CCDC191: variants seen among roughly 807,000 people sequenced by gnomAD.
The protein encoded by CCDC191 is coiled-coil domain containing 191, also known as coiled-coil domain-containing protein 191.
CCDC191 carries 99 observed loss-of-function variants against 114.0 expected under a neutral mutation model. That is an observed-to-expected ratio of 0.87 (90% CI 0.74 to 1.03). The LOEUF (loss-of-function observed/expected upper bound fraction) is 1.03, where lower values mean the gene tolerates loss of function less well. CCDC191 is among the 50% of genes least tolerant of loss of function. The pLI is 0.00. For synonymous variants in CCDC191, 351 were observed against 376.0 expected, an observed-to-expected ratio of 0.93 and a Z score of 0.77; for missense variants, 973 against 1,087.0, an observed-to-expected ratio of 0.90 and a Z score of 1.47.
intron 11 of CCDC191, chr3:114,002,900 T>A: frequency 1.0e-6 from 1 of 982,594 alleles, no homozygotes; most frequent in South Asian, 4.7e-5. Context: ...GCAGAAAACT[T>A]TAATTACATC....
In CCDC191 at chr3:113,980,643, A is replaced by T; in HGVS notation, c.2307+7T>A. The T allele has an allele frequency of 1.3e-6, 2 of 1,577,486 alleles. No individual in the cohort carries two copies. The highest frequency in any genetic ancestry group is 1.7e-6 in the Non-Finnish European group (2 of 1,169,458). On this transcript the variant is annotated splice_region_variant and intron_variant, in intron 14 of 16. Transcript: ENST00000295878. ...CTAATCTGGGGGATAACAGTGGGAC[A>T]GTGTACCTGGATGTTTTGTTTGCTT...
chr3:114,004,581 T>C lies in CCDC191; in HGVS notation c.1978+56A>G, dbSNP rs1035231646. On this transcript the variant is annotated intron_variant, in intron 11 of 16. Transcript: ENST00000295878. Reference sequence around the variant, plus strand: ...CCAGAATTCAGTCCCAGTGTACACATTCTACTCTAGGAGAGAAGATAACAA... The same window carrying C: ...CCAGAATTCAGTCCCAGTGTACACACTCTACTCTAGGAGAGAAGATAACAA... 2.5e-6 allele frequency: 4 copies of C among 1,583,892 alleles called. No individual in the cohort carries two copies. In the African/African-American group the frequency reaches 5.5e-5, roughly 22 times the overall value.
At chr3:113,982,743 A>G (rs1303516897) in intron 13 of CCDC191, among the ~76,000 whole-genome samples, 3 of 149,974 alleles carry the variant, frequency 2.0e-5, no homozygotes, top group Non-Finnish European at 3.0e-5. Flanking sequence ...CTGCTTACCC[A>G]CTCCTGTGAT....
chr3:114,023,278 G>A (rs2076270265), intron 7 of CCDC191, among the ~76,000 whole-genome samples: 1 of 152,164 alleles, frequency 6.6e-6, no homozygotes, highest in Non-Finnish European at 1.5e-5. Flanking sequence ...TGGCCATACT[G>A]CCCAAGGTAA....
Position 113,972,149 on chromosome 3 carries a change from C to T in CCDC191, c.2606+6037G>A, listed in dbSNP as rs146808408. 2.0e-4 allele frequency among the ~76,000 whole-genome samples: 30 copies of T among 151,962 alleles called. No homozygotes were observed. In the East Asian group the frequency reaches 5.6e-3, roughly 28 times the overall value. ...GGTTTGTTCTTGCTTTTCTATATTT[C>T]CTTGAGGAGCATAGTTGACTTATTT... On this transcript the variant is annotated intron_variant, in intron 16 of 16. Transcript: ENST00000295878.
intron 8 of CCDC191, 111 bp downstream of exon 8, chr3:114,018,567 T>A: frequency 1.2e-6 from 1 of 838,158 alleles, no homozygotes; most frequent in Non-Finnish European, 1.8e-6. Context: ...CCATATTTCA[T>A]AAGTGGTTAA....
At chr3:114,008,238 CTCTT>C (rs1166380939) in intron 9 of CCDC191, among the ~76,000 whole-genome samples, 1 of 149,302 alleles carries the variant, frequency 6.7e-6, no homozygotes, top group East Asian at 2.0e-4. Flanking sequence ...TTCCATACAG[CTCTT>C]TCTTAAGATA....
chr3:114,026,669 G>A (rs973280218), intron 7 of CCDC191, among the ~76,000 whole-genome samples: 6 of 152,104 alleles, frequency 3.9e-5, no homozygotes, highest in Non-Finnish European at 7.4e-5. Flanking sequence ...TACAGTTTTC[G>A]TCATTCTGTC....
chr3:114,026,498 G>C (rs1288621761), intron 7 of CCDC191, among the ~76,000 whole-genome samples: 1 of 152,124 alleles, frequency 6.6e-6, no homozygotes, highest in East Asian at 1.9e-4. Flanking sequence ...TTCTAAAGAG[G>C]CTTTTCCTTT....
At chr3:113,981,887 T>C (rs762313881) in intron 13 of CCDC191, among the ~76,000 whole-genome samples, 4 of 152,206 alleles carry the variant, frequency 2.6e-5, no homozygotes, top group Non-Finnish European at 5.9e-5. Flanking sequence ...TTTCAGGCAC[T>C]TGAGATACTT....
intron 11 of CCDC191, 136 bp downstream of exon 11, chr3:114,004,501 C>T: frequency 6.9e-7 from 1 of 1,450,866 alleles, no homozygotes. Flanking sequence ...CACATGTCTA[C>T]CATTCTGAGA....
chr3:114,008,847 G>A (rs982824001), intron 9 of CCDC191, among the ~76,000 whole-genome samples: 10 of 152,054 alleles, frequency 6.6e-5, no homozygotes, highest in Non-Finnish European at 1.0e-4. Context: ...GTCATGCATT[G>A]CTGAATAATG....
intron 13 of CCDC191, among the ~76,000 whole-genome samples, chr3:113,991,877 T>C (rs2075577878): frequency 6.6e-6 from 1 of 151,942 alleles, no homozygotes. Flanking sequence ...AATGAATAAA[T>C]GGAATATGAA....
intron 13 of CCDC191, chr3:113,984,413 G>GAT (rs1195508814): frequency 6.6e-6 from 1 of 152,098 alleles, no homozygotes; most frequent in African/African-American, 2.4e-5. Flanking sequence ...CTATCTTTTT[G>GAT]ATATCCAGAG....
chr3:114,038,094 T>A (rs1400170125), intron 4 of CCDC191, among the ~76,000 whole-genome samples: 3 of 152,220 alleles, frequency 2.0e-5, no homozygotes, highest in Non-Finnish European at 4.4e-5. Flanking sequence ...GTATTCCAAT[T>A]TCTCCACATC....
intron 16 of CCDC191, among the ~76,000 whole-genome samples, chr3:113,976,302 A>AAGAC (rs1388995577): frequency 6.6e-6 from 1 of 151,794 alleles, no homozygotes; most frequent in Non-Finnish European, 1.5e-5. Context: ...ACAAACAAAA[A>AAGAC]AGACAGAGGG....
chr3:114,015,026 G>A (rs901827738), intron 8 of CCDC191, among the ~76,000 whole-genome samples: 2 of 152,010 alleles, frequency 1.3e-5, no homozygotes, highest in African/African-American at 4.8e-5. Context: ...ATGAACGAAT[G>A]AATGACCAAA....
intron 13 of CCDC191, among the ~76,000 whole-genome samples, chr3:113,986,240 C>A (rs1341311460): frequency 6.6e-6 from 1 of 152,084 alleles, no homozygotes; most frequent in African/African-American, 2.4e-5. Flanking sequence ...AGGAAAGAAC[C>A]AGCTAACCTG....
intron 6 of CCDC191, among the ~76,000 whole-genome samples, chr3:114,032,148 T>C (rs2076415090): frequency 6.6e-6 from 1 of 152,012 alleles, no homozygotes; most frequent in African/African-American, 2.4e-5. Flanking sequence ...AAAAGGATTC[T>C]CAAGAAAGGA....
Sources: gnomAD v4.1 joint callset for allele counts (sites outside exome capture counted in the v4.1 genomes callset) on GRCh38, gnomAD v4.1.1 for gene constraint, MANE v1.5 for transcripts, NCBI Gene and HGNC (gene_info 2026-07-23, HGNC 2026-07-21) for gene names.